Variants in HCN1 observed in about 807,000 individuals in gnomAD.
HCN1 encodes the protein hyperpolarization activated cyclic nucleotide gated potassium channel 1, also known as potassium/sodium hyperpolarization-activated cyclic nucleotide-gated channel 1.
In HCN1, 13 loss-of-function variants were observed where a neutral mutation model predicts 78.9. That is an observed-to-expected ratio of 0.16 (90% CI 0.11 to 0.26). HCN1 has a LOEUF of 0.26. HCN1 is among the 10% of genes least tolerant of loss of function. The pLI is 1.00. For missense variants in HCN1, 810 were observed against 1,154.3 expected, an observed-to-expected ratio of 0.70 and a Z score of 4.32; for synonymous variants, 552 against 455.5, an observed-to-expected ratio of 1.21 and a Z score of -2.70.
At chr5:45,312,007 T>C (rs1745860658) in intron 5 of HCN1, among the ~76,000 whole-genome samples, 1 of 152,220 alleles carries the variant, frequency 6.6e-6, no homozygotes, top group Non-Finnish European at 1.5e-5. Context: ...GAGTCCACGT[T>C]GGAACCCAAG....
At chr5:45,561,107 C>G (rs1039867676) in intron 2 of HCN1, among the ~76,000 whole-genome samples, 2 of 151,940 alleles carry the variant, frequency 1.3e-5, no homozygotes, top group African/African-American at 4.8e-5. Flanking sequence ...TTAATTTCAT[C>G]CCAATCAGAT....
intron 2 of HCN1, among the ~76,000 whole-genome samples, chr5:45,597,909 A>G (rs992758189): frequency 2.0e-5 from 3 of 152,188 alleles, no homozygotes; most frequent in Non-Finnish European, 4.4e-5. Flanking sequence ...TCAACAAAAT[A>G]AAAGAGGACA....
chr5:45,577,535 A>C (rs772932439), intron 2 of HCN1, among the ~76,000 whole-genome samples: 2 of 152,138 alleles, frequency 1.3e-5, no homozygotes, highest in African/African-American at 2.4e-5. Context: ...TAGGCCTAGC[A>C]TAAATTTGTG....
intron 6 of HCN1, among the ~76,000 whole-genome samples, chr5:45,287,687 C>T (rs1215526379): frequency 1.3e-5 from 2 of 152,000 alleles, no homozygotes; most frequent in Admixed American, 6.6e-5. Flanking sequence ...ATTTATTCCA[C>T]CCTTACTTCC....
At chr5:45,380,447 A>G (rs1158700337) in intron 4 of HCN1, among the ~76,000 whole-genome samples, 2 of 152,126 alleles carry the variant, frequency 1.3e-5, no homozygotes, top group African/African-American at 4.8e-5. Flanking sequence ...TATCCAGCAT[A>G]TGTCTAGAAA....
chr5:45,516,532 A>G (rs907902064), intron 2 of HCN1, among the ~76,000 whole-genome samples: 1 of 151,984 alleles, frequency 6.6e-6, no homozygotes, highest in African/African-American at 2.4e-5. Flanking sequence ...CTCCAATTAA[A>G]ATATGCCATA....
At chr5:45,587,714 T>C (rs1223047016) in intron 2 of HCN1, among the ~76,000 whole-genome samples, 1 of 151,966 alleles carries the variant, frequency 6.6e-6, no homozygotes, top group Non-Finnish European at 1.5e-5. Flanking sequence ...AAGAAAGAAA[T>C]ATTAACACCA....
At chr5:45,390,956 A>C (rs1739542704) in intron 4 of HCN1, among the ~76,000 whole-genome samples, 1 of 152,118 alleles carries the variant, frequency 6.6e-6, no homozygotes. Context: ...CCTGCAAGAG[A>C]ATCTCACAGA....
intron 5 of HCN1, among the ~76,000 whole-genome samples, chr5:45,352,372 T>C (rs1468421021): frequency 3.3e-5 from 5 of 150,460 alleles, no homozygotes; most frequent in Non-Finnish European, 7.4e-5. Flanking sequence ...CTGGGGAGTG[T>C]TGTGCAGTGG....
At chr5:45,636,454 C>T (rs575557340) in intron 2 of HCN1, among the ~76,000 whole-genome samples, 13 of 152,248 alleles carry the variant, frequency 8.5e-5, no homozygotes, top group South Asian at 6.2e-4. Context: ...GACATCTATT[C>T]GGAAACTGGA....
intron 1 of HCN1, among the ~76,000 whole-genome samples, chr5:45,659,273 G>C (rs1745865764): frequency 7.8e-6 from 1 of 128,024 alleles, no homozygotes; most frequent in Admixed American, 7.7e-5. Context: ...CTAACAACCA[G>C]AAAGGACATC....
intron 2 of HCN1, among the ~76,000 whole-genome samples, chr5:45,595,525 A>G (rs1188529038): frequency 1.3e-5 from 2 of 152,030 alleles, no homozygotes; most frequent in African/African-American, 2.4e-5. Context: ...TGGAGCTTCA[A>G]TTGTTTTGTC....
At chr5:45,628,756 C>T (rs1431143395) in intron 2 of HCN1, among the ~76,000 whole-genome samples, 1 of 151,850 alleles carries the variant, frequency 6.6e-6, no homozygotes, top group Non-Finnish European at 1.5e-5. Context: ...CGGTGGGTCA[C>T]CTGTCAGGAG....
At chr5:45,369,725 C>A (rs1747313946) in intron 4 of HCN1, among the ~76,000 whole-genome samples, 1 of 152,074 alleles carries the variant, frequency 6.6e-6, no homozygotes, top group Non-Finnish European at 1.5e-5. Context: ...CCAAAACACT[C>A]CAGTGCATGT....
chr5:45,474,626 A>C (rs898129711), intron 2 of HCN1, among the ~76,000 whole-genome samples: 2 of 151,954 alleles, frequency 1.3e-5, no homozygotes, highest in Admixed American at 6.6e-5. Flanking sequence ...TTAACATATA[A>C]GACTCTTCAT....
intron 3 of HCN1, among the ~76,000 whole-genome samples, chr5:45,417,044 AC>A (rs1182874043): frequency 2.0e-5 from 3 of 152,020 alleles, no homozygotes; most frequent in Non-Finnish European, 1.5e-5. Context: ...TTTACAAACA[AC>A]CCTGAATTAG....
At chr5:45,472,695 A>G (rs1741417075) in intron 2 of HCN1, among the ~76,000 whole-genome samples, 1 of 151,936 alleles carries the variant, frequency 6.6e-6, no homozygotes, top group African/African-American at 2.4e-5. Flanking sequence ...GTATGACTAT[A>G]TATTGTTTCC....
chr5:45,590,807 C>T (rs1744345312), intron 2 of HCN1, among the ~76,000 whole-genome samples: 1 of 152,122 alleles, frequency 6.6e-6, no homozygotes, highest in African/African-American at 2.4e-5. Flanking sequence ...ATTCATGGCT[C>T]GATAGCTAGT....
chr5:45,505,749 T>C (rs1223861242), intron 2 of HCN1, among the ~76,000 whole-genome samples: 1 of 152,180 alleles, frequency 6.6e-6, no homozygotes, highest in Non-Finnish European at 1.5e-5. Flanking sequence ...ATTTTTCATA[T>C]ATAAATATAC....
Sources: allele counts gnomAD v4.1 joint callset (sites outside exome capture counted in the v4.1 genomes callset), GRCh38; gene constraint gnomAD v4.1.1; transcripts MANE v1.5; gene names NCBI Gene and HGNC (gene_info 2026-07-23, HGNC 2026-07-21).